Variants in ITGA1 observed in about 807,000 individuals in gnomAD.
ITGA1 encodes integrin subunit alpha 1.
ITGA1 carries 85 observed loss-of-function variants against 145.9 expected under a neutral mutation model. That is an observed-to-expected ratio of 0.58 (90% CI 0.49 to 0.70). ITGA1 has a LOEUF of 0.70. ITGA1 is among the 30% of genes least tolerant of loss of function. ITGA1 has a pLI of 0.00. For missense variants in ITGA1, 1,351 were observed against 1,418.7 expected, an observed-to-expected ratio of 0.95 and a Z score of 0.77; for synonymous variants, 520 against 495.3, an observed-to-expected ratio of 1.05 and a Z score of -0.66.
intron 2 of ITGA1, among the ~76,000 whole-genome samples, chr5:52,850,002 AT>A (rs373306832): frequency 1.4e-3 from 192 of 140,408 alleles, no homozygotes; most frequent in African/African-American, 2.2e-3. Context: ...TGTAGATAGG[AT>A]TTTTTTTTTT....
chr5:52,905,169 G>C (rs574652323), intron 11 of ITGA1: 1 of 152,152 alleles, frequency 6.6e-6, no homozygotes, highest in Non-Finnish European at 1.5e-5. Context: ...AAATCCAGAA[G>C]AGGGACAAAT....
intron 23 of ITGA1, among the ~76,000 whole-genome samples, chr5:52,935,766 G>T (rs146032047): frequency 6.6e-6 from 1 of 152,028 alleles, no homozygotes; most frequent in Non-Finnish European, 1.5e-5. Flanking sequence ...TACAGACAGG[G>T]TACAAAACTG....
chr5:52,830,732 T>C (rs1440497205), intron 1 of ITGA1, among the ~76,000 whole-genome samples: 1 of 152,170 alleles, frequency 6.6e-6, no homozygotes, highest in Non-Finnish European at 1.5e-5. Flanking sequence ...AAAAATATGT[T>C]ACAGGGTTTG....
At chr5:52,911,490 G>C (rs1450231669) in intron 14 of ITGA1, among the ~76,000 whole-genome samples, 2 of 121,508 alleles carry the variant, frequency 1.6e-5, no homozygotes, top group East Asian at 4.7e-4. Flanking sequence ...ACTATATATA[G>C]TATATATAGT....
intron 2 of ITGA1, among the ~76,000 whole-genome samples, chr5:52,857,549 C>T (rs984902915): frequency 6.6e-6 from 1 of 152,012 alleles, no homozygotes; most frequent in Non-Finnish European, 1.5e-5. Flanking sequence ...AAATCTGCCA[C>T]AAACATGTAC....
intron 2 of ITGA1, among the ~76,000 whole-genome samples, chr5:52,859,379 T>G (rs554654917): frequency 6.6e-6 from 1 of 152,296 alleles, no homozygotes; most frequent in Admixed American, 6.5e-5. Context: ...CCCTCTTACT[T>G]TAGGTCATTT....
intron 11 of ITGA1, chr5:52,902,153 G>A (rs142811863): frequency 2.9e-4 from 44 of 152,230 alleles, no homozygotes; most frequent in African/African-American, 9.6e-4. Context: ...AGGAAGCAGA[G>A]GCAGAGGCTC....
At chr5:52,944,223 G>C (rs1425760193) in intron 26 of ITGA1, among the ~76,000 whole-genome samples, 1 of 152,038 alleles carries the variant, frequency 6.6e-6, no homozygotes, top group Non-Finnish European at 1.5e-5. Context: ...CCTGCTCCCT[G>C]GGAAAATCCA....
chr5:52,800,353 C>A, intron 1 of ITGA1: 1 of 1,611,090 alleles, frequency 6.2e-7, no homozygotes, highest in Non-Finnish European at 8.5e-7. Context: ...GTGAGGACCT[C>A]CTTGGTTCCT....
intron 21 of ITGA1, 130 bp from the exon 22 acceptor site, chr5:52,931,917 A>G: frequency 3.6e-6 from 2 of 560,958 alleles, no homozygotes; most frequent in Non-Finnish European, 6.3e-6. Flanking sequence ...AATTAAAAAA[A>G]TGATTAAAAA....
At position 52,953,807 on chromosome 5, in the gene ITGA1, T is replaced by G. The variant is rs1460324296; in HGVS notation, c.*1356T>G. 2 of 152,226 alleles carry G rather than the reference T, an allele frequency of 1.3e-5. No individual in the cohort carries two copies. The highest frequency in any genetic ancestry group is 4.8e-5 in the African/African-American group (2 of 41,458). 9.4% of individuals were successfully genotyped at this position (152,226 alleles called of 1,614,324 possible). A position where few individuals can be genotyped will look rare whatever the true frequency, so the allele number is the denominator to read the frequency against. On this transcript the variant is annotated 3_prime_UTR_variant, in exon 29 of 29. Coordinates refer to ENST00000282588, the MANE Select transcript of ITGA1 (RefSeq NM_181501.2). ...ATGTGTGAACTACTGCTGTAAAGTT[T>G]GCTGACATTTCTGCAACAACATTTC...
chr5:52,940,139 A>G (rs896659358), intron 26 of ITGA1, among the ~76,000 whole-genome samples, 195 bp downstream of exon 26: 2 of 152,170 alleles, frequency 1.3e-5, no homozygotes, highest in African/African-American at 4.8e-5. Flanking sequence ...GAACTAAGAT[A>G]TTACCAAGGT....
intron 3 of ITGA1, among the ~76,000 whole-genome samples, chr5:52,862,231 A>AG (rs1561230032): frequency 6.6e-6 from 1 of 151,810 alleles, no homozygotes; most frequent in African/African-American, 2.4e-5. Context: ...AAAAAAAAAA[A>AG]AAAAGAAAAG....
rs529164199 is a variant in ITGA1, at chr5:52,791,623, G to A, written c.61+3209G>A. 9.5e-4 allele frequency among the ~76,000 whole-genome samples: 144 copies of A among 152,268 alleles called. 1 individual carries two copies. Among genetic ancestry groups the A allele is most frequent in the African/African-American group, 3.4e-3 (140 of 41,538 alleles). On this transcript the variant is annotated intron_variant, in intron 1 of 28. Transcript: ENST00000282588. ...AGCTAGCACAACTTAACCCCGAAAT[G>A]TATTATGTGCAAGGCACTGTGCCAA...
intron 1 of ITGA1, among the ~76,000 whole-genome samples, chr5:52,814,448 T>C (rs1468250074): frequency 2.0e-5 from 3 of 152,206 alleles, no homozygotes; most frequent in Non-Finnish European, 2.9e-5. Context: ...CAATGAGTTT[T>C]TAACACTTAC....
intron 7 of ITGA1, among the ~76,000 whole-genome samples, 190 bp downstream of exon 7, chr5:52,882,211 T>A (rs752673205): frequency 6.6e-6 from 1 of 152,182 alleles, no homozygotes; most frequent in Non-Finnish European, 1.5e-5. Context: ...ACCATCCTTC[T>A]TATCCTTCTC....
At chr5:52,892,288 A>G (rs1175932014) in intron 8 of ITGA1, among the ~76,000 whole-genome samples, 2 of 152,106 alleles carry the variant, frequency 1.3e-5, no homozygotes, top group Non-Finnish European at 2.9e-5. Context: ...ACACCACTAT[A>G]CGCTAACACA....
chr5:52,948,088 A>G (rs560348185), intron 28 of ITGA1, among the ~76,000 whole-genome samples: 3 of 152,282 alleles, frequency 2.0e-5, no homozygotes, highest in African/African-American at 4.8e-5. Context: ...TTTTGTGTCA[A>G]GTAACTCTGG....
At chr5:52,798,314 G>T (rs771332299) in intron 1 of ITGA1, among the ~76,000 whole-genome samples, 1 of 152,182 alleles carries the variant, frequency 6.6e-6, no homozygotes, top group Non-Finnish European at 1.5e-5. Context: ...GAAACAAAGA[G>T]AAAAGAGGCC....
Sources: allele counts gnomAD v4.1 joint callset (sites outside exome capture counted in the v4.1 genomes callset), GRCh38; gene constraint gnomAD v4.1.1; transcripts MANE v1.5; gene names NCBI Gene and HGNC (gene_info 2026-07-23, HGNC 2026-07-21).